Variants in DNAH8 observed in about 807,000 individuals in gnomAD.
The protein encoded by DNAH8 is axonemal beta dynein heavy chain 8.
DNAH8 carries 382 observed loss-of-function variants against 562.1 expected under a neutral mutation model. The ratio of observed to expected loss-of-function variants is 0.68; its 90% CI spans 0.63 to 0.74. The LOEUF is 0.74. Ranked by LOEUF, DNAH8 falls within the 30% of genes least tolerant of loss-of-function variation. The pLI, the probability that DNAH8 is intolerant of heterozygous loss-of-function variation, is 0.00. For missense variants in DNAH8, 5,203 were observed against 5,620.4 expected, an observed-to-expected ratio of 0.93 and a Z score of 2.37; for synonymous variants, 1,881 against 1,919.4, an observed-to-expected ratio of 0.98 and a Z score of 0.52.
In DNAH8 at chr6:38,723,001, C is replaced by T; in HGVS notation, c.192C>T (p.Leu64=). 6.2e-7 allele frequency: 1 copy of T among 1,612,818 alleles called. No individual in the cohort carries two copies. The highest frequency in any genetic ancestry group is 8.5e-7 in the Non-Finnish European group (1 of 1,179,826). ...AVSSVVDYRD[L]IPSEEGIVLP... ...CTTCTGTGGTGGATTATCGGGATCT[C>T]ATTCCTTCTGAAGAAGGGATAGTTC... The change falls in exon 2 of 93, where the codon CTC becomes CTT. Residue 64 remains leucine, a synonymous_variant. Transcript: ENST00000327475.
chr6:39,002,875 A>C (rs1175747398), intron 88 of DNAH8, among the ~76,000 whole-genome samples: 1 of 152,178 alleles, frequency 6.6e-6, no homozygotes, highest in East Asian at 1.9e-4. Context: ...ATCTGACTGA[A>C]AGTTCTGTAT....
chr6:39,022,538 C>A (rs1458834827), intron 91 of DNAH8, among the ~76,000 whole-genome samples: 2 of 152,262 alleles, frequency 1.3e-5, no homozygotes, highest in African/African-American at 2.4e-5. Flanking sequence ...TCCTCCCCTT[C>A]CAGAGCCCAC....
Position 38,984,186 on chromosome 6 carries a change from C to CT in DNAH8, c.12952-14dup. The stretch of plus-strand genomic sequence containing the variant: ...GTGTTTGGGTTGACAATTAATAATC[C>CT]TTTTTTACTTTTAATAAAGGGTGTA... On this transcript the variant is annotated intron_variant, in intron 86 of 92. Transcript: ENST00000327475. 1 of 1,398,180 alleles carries CT rather than the reference C, an allele frequency of 7.2e-7. No homozygotes were observed. The highest frequency in any genetic ancestry group is 1.0e-6 in the Non-Finnish European group (1 of 994,170). The allele number at this position is 1,398,180 out of a possible 1,614,324, so 86.6% of individuals were successfully genotyped here. A position where few individuals can be genotyped will look rare whatever the true frequency, so the allele number is the denominator to read the frequency against.
intron 1 of DNAH8, 45 bp from the exon 2 acceptor site, chr6:38,722,731 A>C: frequency 7.0e-7 from 1 of 1,433,060 alleles, no homozygotes; most frequent in South Asian, 1.5e-5. Flanking sequence ...AACGTACAAC[A>C]CTCAATTTAC....
intron 62 of DNAH8, among the ~76,000 whole-genome samples, chr6:38,902,385 A>G (rs2150511071): frequency 1.3e-5 from 2 of 152,198 alleles, no homozygotes; most frequent in East Asian, 3.9e-4. Flanking sequence ...CTCTGCCCTA[A>G]TCACCCCAGG....
rs574631373 is a variant in DNAH8, at chr6:38,759,701, G to A, written c.1516-2001G>A. On this transcript the variant is annotated intron_variant, in intron 10 of 92. Transcript: ENST00000327475. ...CCATTCTTGATATCTGATGACTCTA[G>A]ATATCTGATCAGGTTTTCATTCCCC... Among the ~76,000 whole-genome samples, 239 of 152,122 alleles carry A rather than the reference G, an allele frequency of 1.6e-3. 2 individuals are homozygous for A. Among genetic ancestry groups the A allele is most frequent in the African/African-American group, 5.6e-3 (233 of 41,490 alleles).
intron 88 of DNAH8, among the ~76,000 whole-genome samples, chr6:38,996,881 G>T (rs17337012): frequency 1.3e-5 from 2 of 152,000 alleles, no homozygotes; most frequent in African/African-American, 4.8e-5. Flanking sequence ...GTAGGATGCC[G>T]TAAGCGAGCT....
At chr6:38,836,813 C>T in intron 32 of DNAH8, among the ~76,000 whole-genome samples, 1 of 152,068 alleles carries the variant, frequency 6.6e-6, no homozygotes, top group Non-Finnish European at 1.5e-5. Context: ...GGGCACCCTG[C>T]TGGCCTGTTG....
chr6:39,018,439 C>T (rs1766695765), intron 91 of DNAH8, among the ~76,000 whole-genome samples: 1 of 152,214 alleles, frequency 6.6e-6, no homozygotes, highest in African/African-American at 2.4e-5. Context: ...CTGATCTCTT[C>T]CTACCTCAGA....
intron 41 of DNAH8, among the ~76,000 whole-genome samples, chr6:38,854,373 AT>A (rs1289520710): frequency 6.6e-6 from 1 of 152,122 alleles, no homozygotes; most frequent in African/African-American, 2.4e-5. Context: ...AACGTAGGCA[AT>A]TTTTGCCCAA....
At position 38,793,674 on chromosome 6, in the gene DNAH8, C is replaced by T. The variant is rs115796965; in HGVS notation, c.2901+2000C>T. ...ATATTTTTGGAAATACTTCTACTCC[C>T]TGCCCTCTTTTTAAAATTTATTAAC... On this transcript the variant is annotated intron_variant, in intron 21 of 92. Transcript: ENST00000327475. Among the ~76,000 whole-genome samples, 457 of 152,164 alleles carry T rather than the reference C, an allele frequency of 3.0e-3. 4 individuals carry two copies. Among genetic ancestry groups the T allele is most frequent in the African/African-American group, 0.01 (435 of 41,542 alleles).
At chr6:38,732,515 G>A (rs994315401) in intron 4 of DNAH8, among the ~76,000 whole-genome samples, 4 of 152,148 alleles carry the variant, frequency 2.6e-5, no homozygotes, top group Non-Finnish European at 5.9e-5. Context: ...ACAGAAATAG[G>A]TCTGGCTTAT....
intron 10 of DNAH8, among the ~76,000 whole-genome samples, chr6:38,759,906 G>A (rs1766326846): frequency 6.6e-6 from 1 of 152,064 alleles, no homozygotes; most frequent in African/African-American, 2.4e-5. Context: ...TCAGAGTTGA[G>A]CCCAATCTCT....
intron 43 of DNAH8, among the ~76,000 whole-genome samples, chr6:38,861,137 A>G (rs1776590355): frequency 1.3e-5 from 2 of 152,250 alleles, no homozygotes; most frequent in South Asian, 4.1e-4. Flanking sequence ...CATAGAAAAC[A>G]TTCAATAAAT....
At position 38,909,706 on chromosome 6, in the gene DNAH8, T is replaced by C. The variant is rs1439840561; in HGVS notation, c.9702T>C (p.His3234=). 3 of 1,614,132 alleles carry C rather than the reference T, an allele frequency of 1.9e-6. No individual in the cohort carries two copies. The highest frequency in any genetic ancestry group is 2.5e-6 in the Non-Finnish European group (3 of 1,179,974). ...TTGTAGAAACAATGGGCCTGTTTCA[T>C]GACATGGTTTCAGAGAGCTGTGAAA... ...RQVVETMGLF[H]DMVSESCESY... Residue 3234 remains histidine (H), a synonymous_variant, in exon 65 of 93, where the codon CAT becomes CAC. Coordinates refer to ENST00000327475, the MANE Select transcript of DNAH8 (RefSeq NM_001206927.2).
chr6:38,787,011 G>GTA (rs34300949), intron 18 of DNAH8, 59 bp downstream of exon 18: 2,034 of 818,792 alleles, frequency 2.5e-3, no homozygotes, highest in African/African-American at 7.3e-3. Flanking sequence ...AAAAAAATAT[G>GTA]TATATATATA....
chr6:38,782,964 A>G lies in DNAH8; in HGVS notation c.2260-40A>G, dbSNP rs73420237. Reference sequence around the variant, plus strand: ...TCATTATTTGGATATAAAAACATTCAGCAGTCTTTTAAAGTAAATCTTTTC... The same window carrying G: ...TCATTATTTGGATATAAAAACATTCGGCAGTCTTTTAAAGTAAATCTTTTC... On this transcript the variant is annotated intron_variant, in intron 16 of 92. Coordinates refer to ENST00000327475, the MANE Select transcript of DNAH8 (RefSeq NM_001206927.2). 2.6e-6 allele frequency: 4 copies of G among 1,557,214 alleles called. No individual in the cohort carries two copies. The Admixed American group carries it at 5.4e-5, about 21-fold the overall frequency.
Position 38,899,840 on chromosome 6 carries a change from A to T in DNAH8, c.9128A>T (p.Lys3043Ile), listed in dbSNP as rs749914839. 6.2e-7 allele frequency: 1 copy of T among 1,612,518 alleles called. No individual in the cohort carries two copies. The highest frequency in any genetic ancestry group is 1.7e-5 in the Admixed American group (1 of 59,702). The stretch of plus-strand genomic sequence containing the variant: ...CTGGTGGGTGTTGGTGGTTCCGGAA[A>T]ACAAAGTCTTTCAAGATTGGCCTCT... The part of the protein sequence containing the change: ...ALLVGVGGSG[K>I]QSLSRLASFI... The change falls in exon 62 of 93, where the codon AAA (lysine) becomes ATA (isoleucine). Residue 3043 changes from lysine to isoleucine, a missense_variant. Around this residue, in one of 6 missense-constraint regions of DNAH8, gnomAD observed 977 missense variants for 1,061.8 expected, o/e 0.92. Transcript: ENST00000327475.
At chr6:38,752,196 C>G (rs1215348593) in intron 9 of DNAH8, among the ~76,000 whole-genome samples, 1 of 151,138 alleles carries the variant, frequency 6.6e-6, no homozygotes, top group African/African-American at 2.5e-5. Flanking sequence ...TGGAGTCTCT[C>G]TCTGTCACCC....
Sources: allele counts gnomAD v4.1 joint callset (sites outside exome capture counted in the v4.1 genomes callset), GRCh38; gene constraint gnomAD v4.1.1; regional missense constraint gnomAD v4.1.1; transcripts MANE v1.5; gene names NCBI Gene and HGNC (gene_info 2026-07-23, HGNC 2026-07-21).